MEI4: variants seen among roughly 807,000 people sequenced by gnomAD.
MEI4 encodes the protein meiosis-specific protein MEI4.
Under a neutral mutation model 31.4 loss-of-function variants are expected in MEI4, and 27 were observed. That is an observed-to-expected ratio of 0.86 (90% confidence interval 0.63 to 1.19). The LOEUF (loss-of-function observed/expected upper bound fraction) is 1.19. Among genes scored for constraint, MEI4 ranks in the 50% most tolerant of loss-of-function variants. The pLI is 0.00. For synonymous variants in MEI4, 122 were observed against 145.4 expected, an observed-to-expected ratio of 0.84 and a Z score of 1.16; for missense variants, 329 against 398.9, an observed-to-expected ratio of 0.82 and a Z score of 1.49.
At chr6:77,744,969 G>A (rs1201286605) in intron 2 of MEI4, among the ~76,000 whole-genome samples, 2 of 152,130 alleles carry the variant, frequency 1.3e-5, no homozygotes, top group Non-Finnish European at 1.5e-5. Context: ...CCTGAAGGAA[G>A]CACTAAACAT....
In MEI4 at chr6:77,924,000, A is replaced by G. The variant is rs1000880214; in HGVS notation, c.*654A>G. 1 of 151,504 alleles carries G rather than the reference A, an allele frequency of 6.6e-6. No homozygotes were observed. Among genetic ancestry groups the G allele is most frequent in the African/African-American group, 2.4e-5 (1 of 41,248 alleles). The allele number at this position is 151,504 out of a possible 1,614,324, so 9.4% of individuals were successfully genotyped here. ...TGTTTTTCAACAAATACTTGTTTCA[A>G]TTCTGTTAATTAAATATGTTATAAT... On this transcript the variant is annotated 3_prime_UTR_variant, in exon 5 of 5. Coordinates refer to ENST00000684080, the MANE Select transcript of MEI4 (RefSeq NM_001322247.2).
intron 3 of MEI4, among the ~76,000 whole-genome samples, chr6:77,801,726 T>C (rs1769266092): frequency 6.6e-6 from 1 of 152,230 alleles, no homozygotes; most frequent in African/African-American, 2.4e-5. Context: ...CTTCATTTTG[T>C]TGTGTACCCA....
At position 77,856,069 on chromosome 6, in the gene MEI4, C is replaced by T. The variant is rs561413086; in HGVS notation, c.900+27007C>T. On this transcript the variant is annotated intron_variant, in intron 4 of 4. Coordinates refer to ENST00000684080, the MANE Select transcript of MEI4 (RefSeq NM_001322247.2). ...GCCCTGGAAATCAGTTCGACAATTT[C>T]CAGAATGCTCTATCAAAAACTATTT... 1.4e-3 allele frequency among the ~76,000 whole-genome samples: 219 copies of T among 152,242 alleles called. No homozygotes were observed. The Middle Eastern group carries it at 0.02, about 14-fold the overall frequency.
intron 4 of MEI4, among the ~76,000 whole-genome samples, chr6:77,887,844 C>T (rs545938496): frequency 2.0e-5 from 3 of 152,208 alleles, no homozygotes; most frequent in South Asian, 2.1e-4. Context: ...CTCTAAATGA[C>T]CTAATGCTAG....
chr6:77,730,920 T>G (rs1327341109), intron 2 of MEI4, among the ~76,000 whole-genome samples: 2 of 151,760 alleles, frequency 1.3e-5, no homozygotes, highest in Non-Finnish European at 2.9e-5. Context: ...GAATGCTGAT[T>G]TCCAATTTCA....
At chr6:77,850,142 T>G (rs1047441085) in intron 4 of MEI4, among the ~76,000 whole-genome samples, 4 of 152,312 alleles carry the variant, frequency 2.6e-5, no homozygotes, top group East Asian at 1.9e-4. Flanking sequence ...AGCAGTGGTT[T>G]GTAGTTCTCC....
chr6:77,892,537 C>T (rs904159010), intron 4 of MEI4, among the ~76,000 whole-genome samples: 21 of 152,032 alleles, frequency 1.4e-4, no homozygotes, highest in Non-Finnish European at 2.5e-4. Flanking sequence ...CAGGTGTTCT[C>T]TGGCCCTACT....
chr6:77,652,037 A>T (rs1398529781), upstream of MEI4, among the ~76,000 whole-genome samples: 1 of 152,322 alleles, frequency 6.6e-6, no homozygotes, highest in East Asian at 1.9e-4. Context: ...AGGCATGTGT[A>T]CATTAAACTC....
intron 3 of MEI4, among the ~76,000 whole-genome samples, chr6:77,795,202 A>G (rs1769044281): frequency 6.6e-6 from 1 of 152,194 alleles, no homozygotes; most frequent in Admixed American, 6.5e-5. Context: ...ATAATGAAGG[A>G]AATAATAATG....
At position 77,732,999 on chromosome 6, in the gene MEI4, C is replaced by G. The variant is rs571077437; in HGVS notation, c.233-28131C>G. Among the ~76,000 whole-genome samples, 4 of 151,674 alleles carry G rather than the reference C, an allele frequency of 2.6e-5. No homozygotes were observed. In the South Asian group the frequency reaches 8.3e-4, roughly 32 times the overall value. Reference sequence around the variant, plus strand: ...AGCCCACTTGATGATGGTGGATAAGCTTTTTGATGTGCTGCTGGATTCGTT... The same window carrying G: ...AGCCCACTTGATGATGGTGGATAAGGTTTTTGATGTGCTGCTGGATTCGTT... On this transcript the variant is annotated intron_variant, in intron 2 of 4. Transcript: ENST00000684080.
intron 3 of MEI4, among the ~76,000 whole-genome samples, chr6:77,794,737 G>A (rs1313234683): frequency 3.3e-5 from 5 of 152,086 alleles, no homozygotes; most frequent in African/African-American, 1.2e-4. Context: ...GAATAACAGT[G>A]TAGTTCAAAT....
At chr6:77,757,279 T>C (rs563129172) in intron 2 of MEI4, among the ~76,000 whole-genome samples, 2 of 152,358 alleles carry the variant, frequency 1.3e-5, no homozygotes, top group Admixed American at 6.5e-5. Flanking sequence ...TTGGGAGCCA[T>C]ATTGTGTAAA....
At chr6:77,846,926 T>C (rs1770501911) in intron 4 of MEI4, among the ~76,000 whole-genome samples, 1 of 152,168 alleles carries the variant, frequency 6.6e-6, no homozygotes, top group African/African-American at 2.4e-5. Flanking sequence ...AGGCTGTGCA[T>C]TACATTTCTC....
chr6:77,876,513 A>T (rs1312604023), intron 4 of MEI4, among the ~76,000 whole-genome samples: 1 of 152,114 alleles, frequency 6.6e-6, no homozygotes, highest in Admixed American at 6.5e-5. Flanking sequence ...AGTCAAAAAA[A>T]CTTCTGTTCT....
At chr6:77,665,586 G>A (rs1022581733) in intron 1 of MEI4, among the ~76,000 whole-genome samples, 1 of 152,170 alleles carries the variant, frequency 6.6e-6, no homozygotes, top group African/African-American at 2.4e-5. Context: ...ACCAAGGCAG[G>A]TGTCCCTGCG....
chr6:77,768,948 A>T (rs148051597), intron 3 of MEI4, among the ~76,000 whole-genome samples: 2 of 152,144 alleles, frequency 1.3e-5, no homozygotes, highest in Non-Finnish European at 2.9e-5. Context: ...ACCCAAATAC[A>T]AGCCTCTAGG....
At chr6:77,855,858 T>G (rs1465505899) in intron 4 of MEI4, among the ~76,000 whole-genome samples, 3 of 152,170 alleles carry the variant, frequency 2.0e-5, no homozygotes, top group African/African-American at 7.2e-5. Flanking sequence ...ATTAGAATAT[T>G]CTAATCTTCT....
At chr6:77,895,575 T>C (rs547680227) in intron 4 of MEI4, among the ~76,000 whole-genome samples, 91 of 152,282 alleles carry the variant, frequency 6.0e-4, no homozygotes, top group African/African-American at 2.2e-3. Context: ...TCCCACCCTA[T>C]GACTATTCCC....
chr6:77,891,358 G>C (rs1334940323), intron 4 of MEI4, among the ~76,000 whole-genome samples: 1 of 151,840 alleles, frequency 6.6e-6, no homozygotes. Flanking sequence ...TGTCAGACAG[G>C]TTATTTTCAA....
Sources: allele counts gnomAD v4.1 joint callset (sites outside exome capture counted in the v4.1 genomes callset), GRCh38; gene constraint gnomAD v4.1.1; transcripts MANE v1.5; gene names NCBI Gene and HGNC (gene_info 2026-07-23, HGNC 2026-07-21).